NFAM1: variants seen among roughly 807,000 people sequenced by gnomAD.
NFAM1 encodes NFAT activation molecule 1.
Under a neutral mutation model 29.0 loss-of-function variants are expected in NFAM1, and 17 were observed. That is an observed-to-expected ratio of 0.59 (90% confidence interval 0.40 to 0.88). The LOEUF is 0.88. NFAM1 is among the 40% of genes least tolerant of loss of function. The pLI is 0.00. For missense variants in NFAM1, 324 were observed against 344.6 expected, an observed-to-expected ratio of 0.94 and a Z score of 0.47; for synonymous variants, 175 against 147.2, an observed-to-expected ratio of 1.19 and a Z score of -1.36.
At position 42,411,804 on chromosome 22, in the gene NFAM1, G is replaced by A. The variant is rs989291282; in HGVS notation, c.122-68C>T. On this transcript the variant is annotated intron_variant, in intron 1 of 5. Coordinates refer to ENST00000329021, the MANE Select transcript of NFAM1 (RefSeq NM_145912.8). ...CTGCCTCAGTCCCACCCACTTGCCTGTTAAGGCTCACGACCGGGTGCGGTG... is the reference window on the plus strand; with the variant it reads ...CTGCCTCAGTCCCACCCACTTGCCTATTAAGGCTCACGACCGGGTGCGGTG... The A allele has an allele frequency of 4.4e-6, 5 of 1,139,846 alleles. No homozygotes were observed. In the African/African-American group the frequency reaches 7.6e-5, roughly 17 times the overall value. 70.6% of individuals were successfully genotyped at this position (1,139,846 alleles called of 1,614,324 possible). A position where few individuals can be genotyped will look rare whatever the true frequency, so the allele number is the denominator to read the frequency against.
At chr22:42,428,363 T>C (rs1450036379) in intron 1 of NFAM1, among the ~76,000 whole-genome samples, 3 of 152,236 alleles carry the variant, frequency 2.0e-5, no homozygotes, top group African/African-American at 4.8e-5. Flanking sequence ...AGGCTACTCC[T>C]GACAGAGGTC....
chr22:42,405,341 G>T (rs73886081), intron 3 of NFAM1, among the ~76,000 whole-genome samples: 4,266 of 152,304 alleles, frequency 0.028, 206 homozygotes, highest in African/African-American at 0.099. Flanking sequence ...GTAAGCCTGG[G>T]TGGGGGTCCG....
chr22:42,410,522 G>C (rs1356773701), intron 2 of NFAM1: 1 of 340,606 alleles, frequency 2.9e-6, no homozygotes, highest in Admixed American at 3.4e-5. Context: ...AGCCAGGTGT[G>C]GTGGTGGACA....
intron 1 of NFAM1, among the ~76,000 whole-genome samples, chr22:42,426,598 TCTGTTTTGGCAAAGGCGCC>T (rs1330815692): frequency 6.6e-6 from 1 of 152,096 alleles, no homozygotes; most frequent in East Asian, 1.9e-4. Context: ...CTCCAGGCCC[TCTGTTTTGGCAAAGGCGCC>T]ATCAGGGCTC....
At chr22:42,412,253 C>G (rs1009647614) in intron 1 of NFAM1, among the ~76,000 whole-genome samples, 11 of 151,980 alleles carry the variant, frequency 7.2e-5, no homozygotes, top group Non-Finnish European at 1.6e-4. Context: ...AAAAGAAAGA[C>G]AAGTCTCGTG....
chr22:42,430,331 G>A (rs980240329), intron 1 of NFAM1, among the ~76,000 whole-genome samples: 2 of 152,126 alleles, frequency 1.3e-5, no homozygotes, highest in African/African-American at 2.4e-5. Context: ...AGGCTGAGGC[G>A]GGCAGATCAC....
At chr22:42,429,590 TGGGCA>T (rs1284628088) in intron 1 of NFAM1, among the ~76,000 whole-genome samples, 11 of 152,224 alleles carry the variant, frequency 7.2e-5, no homozygotes, top group Admixed American at 7.2e-4. Flanking sequence ...CACTCCAGCC[TGGGCA>T]ACAGAGCGAG....
At chr22:42,432,209 T>A (rs774405333) in intron 1 of NFAM1, 28 bp downstream of exon 1, 7 of 1,551,448 alleles carry the variant, frequency 4.5e-6, no homozygotes. Context: ...AGCGAGAGAG[T>A]AGAGAGAAGG....
At chr22:42,426,505 A>G (rs757307232) in intron 1 of NFAM1, among the ~76,000 whole-genome samples, 7 of 152,166 alleles carry the variant, frequency 4.6e-5, no homozygotes, top group Non-Finnish European at 1.0e-4. Flanking sequence ...TCCAAGTCCC[A>G]GCCAAGACTC....
rs59742194 is a variant in NFAM1, at chr22:42,386,396, AACAC to A, written c.753+589_753+592del. Among the ~76,000 whole-genome samples, 85 of 125,292 alleles carry A rather than the reference AACAC, an allele frequency of 6.8e-4. 1 individual carries two copies. Among genetic ancestry groups the A allele is most frequent in the East Asian group, 4.8e-3 (23 of 4,778 alleles). 82.2% of individuals were successfully genotyped at this position (125,292 alleles called of 152,430 possible). ...CTCAAAACAAAAACAAAAACAAACA[AACAC>A]ACACACACACACACACACACACACA... On this transcript the variant is annotated intron_variant, in intron 5 of 5. Coordinates refer to ENST00000329021, the MANE Select transcript of NFAM1 (RefSeq NM_145912.8).
At chr22:42,422,544 G>A (rs1443215896) in intron 1 of NFAM1, among the ~76,000 whole-genome samples, 3 of 152,140 alleles carry the variant, frequency 2.0e-5, no homozygotes, top group Admixed American at 1.3e-4. Context: ...GGTGGAGGGT[G>A]AGCCGAGACC....
chr22:42,393,369 G>A (rs1034448793), intron 4 of NFAM1, among the ~76,000 whole-genome samples: 1 of 151,804 alleles, frequency 6.6e-6, no homozygotes, highest in Non-Finnish European at 1.5e-5. Context: ...GGGCCACATA[G>A]TGAGAACTCA....
chr22:42,427,048 C>T (rs577786271), intron 1 of NFAM1, among the ~76,000 whole-genome samples: 1 of 152,254 alleles, frequency 6.6e-6, no homozygotes, highest in Admixed American at 6.5e-5. Context: ...CCAAATCCAG[C>T]CTGCTCAGAC....
chr22:42,415,657 G>C (rs997118921), intron 1 of NFAM1, among the ~76,000 whole-genome samples: 2 of 152,132 alleles, frequency 1.3e-5, no homozygotes, highest in Non-Finnish European at 2.9e-5. Context: ...CAACTGCCCA[G>C]CTCCCACCCC....
intron 1 of NFAM1, among the ~76,000 whole-genome samples, chr22:42,426,797 G>A (rs1489767668): frequency 6.6e-6 from 1 of 152,082 alleles, no homozygotes; most frequent in Non-Finnish European, 1.5e-5. Flanking sequence ...CACGATCCAC[G>A]ACCCATGACT....
At chr22:42,385,771 C>T (rs1280848052) in intron 5 of NFAM1, among the ~76,000 whole-genome samples, 2 of 152,150 alleles carry the variant, frequency 1.3e-5, no homozygotes, top group African/African-American at 2.4e-5. Flanking sequence ...TGGGCACTGC[C>T]GGAGATGTCC....
intron 1 of NFAM1, among the ~76,000 whole-genome samples, chr22:42,431,606 T>G (rs1569238316): frequency 6.6e-6 from 1 of 152,100 alleles, no homozygotes; most frequent in Non-Finnish European, 1.5e-5. Flanking sequence ...CCACCCAGCT[T>G]CCAAGAAAGC....
chr22:42,427,135 G>GT (rs1384651099), intron 1 of NFAM1, among the ~76,000 whole-genome samples: 1 of 151,432 alleles, frequency 6.6e-6, no homozygotes, highest in Non-Finnish European at 1.5e-5. Flanking sequence ...GGCTCACCCC[G>GT]TCCCTTTCTC....
Position 42,382,679 on chromosome 22 carries a change from TG to T in NFAM1, c.*2481del. On this transcript the variant is annotated 3_prime_UTR_variant, in exon 6 of 6. Coordinates refer to ENST00000329021, the MANE Select transcript of NFAM1 (RefSeq NM_145912.8). The stretch of plus-strand genomic sequence containing the variant: ...GCTTGTCTCTGCAGGCTCTCAGTCC[TG>T]GGGGCTGGAGAACAGGTGCTCAGTC... 6.6e-6 allele frequency: 1 copy of T among 152,634 alleles called. No individual in the cohort carries two copies. The highest frequency in any genetic ancestry group is 1.5e-5 in the Non-Finnish European group (1 of 68,230). The allele number at this position is 152,634 out of a possible 1,614,324, so 9.5% of individuals were successfully genotyped here.
Sources: allele counts gnomAD v4.1 joint callset (sites outside exome capture counted in the v4.1 genomes callset), GRCh38; gene constraint gnomAD v4.1.1; transcripts MANE v1.5; gene names NCBI Gene and HGNC (gene_info 2026-07-23, HGNC 2026-07-21).